Variants in HTRA4 observed in about 807,000 individuals in gnomAD.
HTRA4 encodes HtrA serine peptidase 4.
Under a neutral mutation model 49.1 loss-of-function variants are expected in HTRA4, and 46 were observed. The ratio of observed to expected loss-of-function variants is 0.94; its 90% CI spans 0.74 to 1.20. HTRA4 has a LOEUF of 1.20. HTRA4 is among the 50% of genes most tolerant of loss of function. The pLI, the probability that HTRA4 is intolerant of heterozygous loss-of-function variation, is 0.00. For missense variants in HTRA4, 602 were observed against 636.9 expected, an observed-to-expected ratio of 0.95 and a Z score of 0.59; for synonymous variants, 261 against 264.0, an observed-to-expected ratio of 0.99 and a Z score of 0.11.
chr8:38,979,373 A>C (rs764469462), intron 5 of HTRA4, 126 bp downstream of exon 5: 1 of 872,372 alleles, frequency 1.1e-6, no homozygotes, highest in Non-Finnish European at 2.0e-6. Context: ...GCTTGGGGCC[A>C]GGAGTTTGAG....
chr8:38,977,152 T>C (rs1046784129), intron 3 of HTRA4, among the ~76,000 whole-genome samples: 1 of 152,070 alleles, frequency 6.6e-6, no homozygotes, highest in African/African-American at 2.4e-5. Context: ...GCCAGGCTGG[T>C]CTCGAACTCC....
intron 8 of HTRA4, 81 bp from the exon 9 acceptor site, chr8:38,987,855 C>CAT (rs1835502806): frequency 7.9e-7 from 1 of 1,265,796 alleles, no homozygotes. Flanking sequence ...GCCATTAAGA[C>CAT]AGAAATATTA....
At position 38,988,161 on chromosome 8, in the gene HTRA4, A is replaced by C; in HGVS notation, c.*63A>C. ...AAACCAGTTATATCACGTGGTTTGT[A>C]TTGGAGATGTGCCAAACATGGCAAG... On this transcript the variant is annotated 3_prime_UTR_variant, in exon 9 of 9. Coordinates refer to ENST00000302495, the MANE Select transcript of HTRA4 (RefSeq NM_153692.4). 7.2e-7 allele frequency: 1 copy of C among 1,391,362 alleles called. No individual in the cohort carries two copies. The highest frequency in any genetic ancestry group is 9.5e-7 in the Non-Finnish European group (1 of 1,051,042). The allele number at this position is 1,391,362 out of a possible 1,614,324, so 86.2% of individuals were successfully genotyped here.
chr8:38,979,740 C>T (rs1354857096), intron 5 of HTRA4, among the ~76,000 whole-genome samples: 1 of 152,174 alleles, frequency 6.6e-6, no homozygotes, highest in African/African-American at 2.4e-5. Flanking sequence ...TGGTCTCAAA[C>T]TCCTGAGTTC....
At chr8:38,979,076 G>GGGCACAATTTTGCC (rs1835388244) in intron 4 of HTRA4, 139 bp from the exon 5 acceptor site, 1 of 747,358 alleles carries the variant, frequency 1.3e-6, no homozygotes. Context: ...GTGATGATAG[G>GGGCACAATTTTGCC]GGCACAATTT....
chr8:38,981,369 C>T (rs776977994), intron 5 of HTRA4, among the ~76,000 whole-genome samples: 37 of 152,034 alleles, frequency 2.4e-4, no homozygotes, highest in Non-Finnish European at 4.7e-4. Context: ...GTGAGCCACT[C>T]TGCCCAGCCA....
In HTRA4 at chr8:38,982,837, A is replaced by C. The variant is rs117764763; in HGVS notation, c.1173-116A>C. On this transcript the variant is annotated intron_variant, in intron 7 of 8. Coordinates refer to ENST00000302495, the MANE Select transcript of HTRA4 (RefSeq NM_153692.4). Reference sequence around the variant, plus strand: ...GAATGACTGTGATTAGCTTGATGGAATCTTCCTCGGCCCTTGTGAACCTTG... The same window carrying C: ...GAATGACTGTGATTAGCTTGATGGACTCTTCCTCGGCCCTTGTGAACCTTG... The C allele has an allele frequency of 1.5e-3, 1,052 of 702,188 alleles. 3 individuals are homozygous for C. The highest frequency in any genetic ancestry group is 2.2e-3 in the Non-Finnish European group (897 of 414,258). The allele number at this position is 702,188 out of a possible 1,614,324, so 43.5% of individuals were successfully genotyped here.
Position 38,983,140 on chromosome 8 carries a change from C to T in HTRA4, c.1268+92C>T, listed in dbSNP as rs1407245314. On this transcript the variant is annotated intron_variant, in intron 8 of 8. Transcript: ENST00000302495. ...ATGGGGGATCCAGACTTGATCTGTC[C>T]AATACAGTGGCCACTACTTACATGT... The T allele has an allele frequency of 7.9e-6, 6 of 759,350 alleles. No homozygotes were observed. The African/African-American group carries it at 1.0e-4, about 13-fold the overall frequency. 47.0% of individuals were successfully genotyped at this position (759,350 alleles called of 1,614,324 possible). A position where few individuals can be genotyped will look rare whatever the true frequency, so the allele number is the denominator to read the frequency against.
chr8:38,981,298 C>A (rs1272560462), intron 5 of HTRA4, among the ~76,000 whole-genome samples: 1 of 151,482 alleles, frequency 6.6e-6, no homozygotes, highest in African/African-American at 2.4e-5. Context: ...CCAGGATGGT[C>A]TCGATCTCCT....
rs1318058602 is a variant in HTRA4, at chr8:38,976,740, G to A, written c.771+1G>A. 6.2e-7 allele frequency: 1 copy of A among 1,614,066 alleles called. No homozygotes were observed. Among genetic ancestry groups the A allele is most frequent in the South Asian group, 1.1e-5 (1 of 91,078 alleles). On this transcript the variant is annotated splice_donor_variant, in intron 3 of 8. Coordinates refer to ENST00000302495, the MANE Select transcript of HTRA4 (RefSeq NM_153692.4). LOFTEE classifies it high-confidence loss of function. ...TGCGGTGATTAAGATTGAATCAAAT[G>A]TGAGTATTTCAGGGCTGAGTCAGAG... is the stretch of plus-strand genomic sequence containing the variant.
At chr8:38,985,979 C>T (rs1247723578) in intron 8 of HTRA4, among the ~76,000 whole-genome samples, 2 of 152,130 alleles carry the variant, frequency 1.3e-5, no homozygotes, top group Admixed American at 1.3e-4. Context: ...TTGAGACCAG[C>T]CTGAGCAACA....
chr8:38,979,338 T>C (rs1257901335), intron 5 of HTRA4, 91 bp downstream of exon 5: 36 of 1,174,818 alleles, frequency 3.1e-5, no homozygotes, highest in Non-Finnish European at 4.2e-5. Flanking sequence ...CTCATGCCTG[T>C]AATCCCAGCA....
At chr8:38,977,183 G>T (rs1055290620) in intron 3 of HTRA4, among the ~76,000 whole-genome samples, 1 of 151,882 alleles carries the variant, frequency 6.6e-6, no homozygotes, top group Admixed American at 6.5e-5. Context: ...TGATCCGCCC[G>T]CTTCGGCCTC....
rs768402327 is a variant in HTRA4, at chr8:38,974,562, C to G, written c.299C>G (p.Pro100Arg). The G allele has an allele frequency of 7.1e-7, 1 of 1,406,138 alleles. No individual in the cohort carries two copies. The highest frequency in any genetic ancestry group is 1.5e-5 in the South Asian group (1 of 65,116). 87.1% of individuals were successfully genotyped at this position (1,406,138 alleles called of 1,614,324 possible). Residue 100 changes from proline to arginine, a missense_variant, in exon 1 of 9, where the codon CCC becomes CGC. Coordinates refer to ENST00000302495, the MANE Select transcript of HTRA4 (RefSeq NM_153692.4). ...CTGCAGTGCCTCCAGCCGCTGCGCC[C>G]CGGGTTCCCCAGCACCTGCGGTTGC... ...PGLQCLQPLRPGFPSTCGCPT... is the reference protein window; with the variant it reads ...PGLQCLQPLRRGFPSTCGCPT...
At chr8:38,985,984 G>A (rs1044121236) in intron 8 of HTRA4, among the ~76,000 whole-genome samples, 12 of 152,184 alleles carry the variant, frequency 7.9e-5, no homozygotes, top group Admixed American at 2.0e-4. Flanking sequence ...ACCAGCCTGA[G>A]CAACATAGTT....
In HTRA4 at chr8:38,975,248, G is replaced by A. The variant is rs1412500428; in HGVS notation, c.566+118G>A. On this transcript the variant is annotated intron_variant, in intron 2 of 8. Transcript: ENST00000302495. ...AAAAAACCAGTGAGGAAACTGAGAC[G>A]TAAAGAGGTTGAATAACCTGTTCAA... is the stretch of plus-strand genomic sequence containing the variant. 6 of 1,013,956 alleles carry A rather than the reference G, an allele frequency of 5.9e-6. No individual in the cohort carries two copies. In the East Asian group the frequency reaches 7.3e-5, roughly 12 times the overall value. 62.8% of individuals were successfully genotyped at this position (1,013,956 alleles called of 1,614,324 possible). A position where few individuals can be genotyped will look rare whatever the true frequency, so the allele number is the denominator to read the frequency against.
At chr8:38,974,901 T>C in intron 1 of HTRA4, 130 bp from the exon 2 acceptor site, 11 of 1,230,490 alleles carry the variant, frequency 8.9e-6, no homozygotes, top group Non-Finnish European at 1.0e-5. Context: ...AGGGGCTCTT[T>C]ACCGGCTGCT....
intron 8 of HTRA4, among the ~76,000 whole-genome samples, chr8:38,983,555 G>A (rs1249051075): frequency 6.6e-6 from 1 of 151,986 alleles, no homozygotes; most frequent in Non-Finnish European, 1.5e-5. Context: ...TTATATAGTA[G>A]TATATTGGGG....
At chr8:38,974,865 G>T in intron 1 of HTRA4, 136 bp downstream of exon 1, 1 of 1,185,844 alleles carries the variant, frequency 8.4e-7, no homozygotes, top group South Asian at 1.4e-5. Flanking sequence ...ACACCTCTGT[G>T]TTCCTGATTT....
Sources: allele counts gnomAD v4.1 joint callset (sites outside exome capture counted in the v4.1 genomes callset), GRCh38; gene constraint gnomAD v4.1.1; transcripts MANE v1.5; gene names NCBI Gene and HGNC (gene_info 2026-07-23, HGNC 2026-07-21).